Variants in OGFOD1 observed in about 807,000 individuals in gnomAD.
OGFOD1 encodes the protein 2-oxoglutarate and iron dependent oxygenase domain containing 1, also known as prolyl 3-hydroxylase OGFOD1.
OGFOD1 carries 54 observed loss-of-function variants against 67.7 expected under a neutral mutation model. That is an observed-to-expected ratio of 0.80 (90% CI 0.64 to 1.00). The LOEUF (loss-of-function observed/expected upper bound fraction) is 1.00, where lower values mean the gene tolerates loss of function less well. Ranked by LOEUF, OGFOD1 falls within the 50% of genes least tolerant of loss-of-function variation. OGFOD1 has a pLI of 0.00. For missense variants in OGFOD1, 606 were observed against 646.7 expected (o/e 0.94, Z 0.68); for synonymous variants, 221 against 227.0 (o/e 0.97, Z 0.24).
intron 2 of OGFOD1, among the ~76,000 whole-genome samples, chr16:56,457,903 C>T (rs1471949593): frequency 2.6e-5 from 4 of 152,214 alleles, no homozygotes; most frequent in Admixed American, 6.5e-5. Flanking sequence ...TGGTCTCGAA[C>T]TCCTGACCTC....
Position 56,453,115 on chromosome 16 carries a change from C to A in OGFOD1, c.155-148C>A, listed in dbSNP as rs554956938. 1.5e-4 allele frequency: 110 copies of A among 729,982 alleles called. 1 individual carries two copies. The South Asian group carries it at 2.0e-3, about 13-fold the overall frequency. 45.2% of individuals were successfully genotyped at this position (729,982 alleles called of 1,614,324 possible). The stretch of plus-strand genomic sequence containing the variant: ...AATGGGTAAAGAAGAAAGGTCAGAG[C>A]TTATCATTTTTTCCCCAAATCTTAG... On this transcript the variant is annotated intron_variant, in intron 1 of 12. Coordinates refer to ENST00000566157, the MANE Select transcript of OGFOD1 (RefSeq NM_018233.4).
At chr16:56,466,529 CTG>C (rs775358246) in intron 5 of OGFOD1, among the ~76,000 whole-genome samples, 2 of 152,172 alleles carry the variant, frequency 1.3e-5, no homozygotes, top group Admixed American at 1.3e-4. Flanking sequence ...TGAATACTGA[CTG>C]TGGAAGGGTG....
At chr16:56,457,213 G>C (rs540996286) in intron 2 of OGFOD1, among the ~76,000 whole-genome samples, 21 of 152,226 alleles carry the variant, frequency 1.4e-4, no homozygotes, top group African/African-American at 5.1e-4. Flanking sequence ...TATACCCATA[G>C]AATGGAATAC....
In OGFOD1 at chr16:56,456,904, T is replaced by C. The variant is rs534665037; in HGVS notation, c.301-1644T>C. ...TAAATTTCTCAGAGTGTAAATGACA[T>C]ACCACTGTATATCCAGAGAAGCCCA... On this transcript the variant is annotated intron_variant, in intron 2 of 12. Coordinates refer to ENST00000566157, the MANE Select transcript of OGFOD1 (RefSeq NM_018233.4). Among the ~76,000 whole-genome samples, 8 of 152,314 alleles carry C rather than the reference T, an allele frequency of 5.3e-5. No homozygotes were observed. The East Asian group carries it at 1.4e-3, about 26-fold the overall frequency.
chr16:56,463,298 TCA>T (rs1491133453), intron 4 of OGFOD1, among the ~76,000 whole-genome samples: 2 of 150,274 alleles, frequency 1.3e-5, no homozygotes, highest in Non-Finnish European at 3.0e-5. Flanking sequence ...TATAGATGGC[TCA>T]CAACTTTTAG....
chr16:56,470,293 T>A (rs1179632619), intron 9 of OGFOD1, 194 bp from the exon 10 acceptor site: 2 of 664,090 alleles, frequency 3.0e-6, no homozygotes, highest in East Asian at 5.4e-5. Flanking sequence ...TAATGATGTT[T>A]TGTTCTCAGG....
Position 56,474,824 on chromosome 16 carries a change from T to G in OGFOD1, c.1286-4T>G. 1 of 1,592,986 alleles carries G rather than the reference T, an allele frequency of 6.3e-7. No homozygotes were observed. Among genetic ancestry groups the G allele is most frequent in the Non-Finnish European group, 8.5e-7 (1 of 1,173,210 alleles). ...AAGTTTCTCATCTTTTTTTTTTTCCTTAGAATCAAGTGTTCCCATGTGCCA... is the reference window on the plus strand; with the variant it reads ...AAGTTTCTCATCTTTTTTTTTTTCCGTAGAATCAAGTGTTCCCATGTGCCA... On this transcript the variant is annotated splice_region_variant and splice_polypyrimidine_tract_variant and intron_variant, in intron 10 of 12. Coordinates refer to ENST00000566157, the MANE Select transcript of OGFOD1 (RefSeq NM_018233.4).
Position 56,453,346 on chromosome 16 carries a change from C to T in OGFOD1, c.238C>T (p.Gln80Ter). The stretch of plus-strand genomic sequence containing the variant: ...AAGCCAAGACTTCTTAGAAGGGCTT[C>T]AGAAGGAACTGATGAACTTGGACTT... ...IQSQDFLEGL[Q>*]KELMNLDFHE... is the part of the protein sequence containing the mutation. Residue 80 changes from glutamine (Q) to a stop codon, truncating the protein, a stop_gained, in exon 2 of 13, where the codon CAG becomes TAG. Transcript: ENST00000566157. LOFTEE classifies it high-confidence loss of function. The T allele has an allele frequency of 6.2e-7, 1 of 1,614,128 alleles. No individual in the cohort carries two copies.
At chr16:56,462,720 A>T (rs374711398) in intron 4 of OGFOD1, 86 bp downstream of exon 4, 6 of 789,306 alleles carry the variant, frequency 7.6e-6, no homozygotes, top group East Asian at 5.2e-5. Context: ...GTACCAAAAC[A>T]CTCAACTGAA....
chr16:56,464,847 A>T (rs1182890293), intron 4 of OGFOD1, among the ~76,000 whole-genome samples: 1 of 152,166 alleles, frequency 6.6e-6, no homozygotes, highest in Non-Finnish European at 1.5e-5. Context: ...TAGTGAAGAA[A>T]GATACTTAAC....
At position 56,469,144 on chromosome 16, in the gene OGFOD1, G is replaced by A. The variant is rs184212056; in HGVS notation, c.901-859G>A. Among the ~76,000 whole-genome samples the A allele has an allele frequency of 4.6e-5, 7 of 152,300 alleles. No homozygotes were observed. In the East Asian group the frequency reaches 1.3e-3, roughly 29 times the overall value. ...TTTTTCATGCATTTATAACTGATAG[G>A]ACTGCTTGGGAAACTGCATTAAACA... On this transcript the variant is annotated intron_variant, in intron 8 of 12. Transcript: ENST00000566157.
At chr16:56,452,006 G>A (rs1962354676) in intron 1 of OGFOD1, 2 of 491,230 alleles carry the variant, frequency 4.1e-6, no homozygotes, top group African/African-American at 3.9e-5. Flanking sequence ...GAAGCAGAGG[G>A]TATGCAAGAG....
At chr16:56,474,744 C>A in intron 10 of OGFOD1, 84 bp from the exon 11 acceptor site, 3 of 1,054,482 alleles carry the variant, frequency 2.8e-6, no homozygotes, top group Non-Finnish European at 4.2e-6. Flanking sequence ...GTTGCTGTAT[C>A]ATTCCTAATT....
rs1166297192 is a variant in OGFOD1 at position 56,467,286 on chromosome 16, C to G, written c.779C>G (p.Pro260Arg). Reference protein sequence around the residue: ...EPPIPRSPHIPQDHEILYDWI... With the variant: ...EPPIPRSPHIRQDHEILYDWI... The stretch of plus-strand genomic sequence containing the variant: ...CCCATACCTCGGAGCCCTCACATCC[C>G]ACAAGATGTAAGAAGAATTGCTGAT... The change falls in exon 7 of 13, where the codon CCA (proline) becomes CGA (arginine). Residue 260 changes from proline (P) to arginine (R), a missense_variant. Pro to Arg is a moderately radical substitution (Grantham distance 103, BLOSUM62 -2). Transcript: ENST00000566157. 6.2e-7 allele frequency: 1 copy of G among 1,614,124 alleles called. No homozygotes were observed. The highest frequency in any genetic ancestry group is 8.5e-7 in the Non-Finnish European group (1 of 1,180,018).
In OGFOD1 at chr16:56,477,565, C is replaced by T. The variant is rs1173716123; in HGVS notation, c.*1360C>T. On this transcript the variant is annotated 3_prime_UTR_variant, in exon 13 of 13. Transcript: ENST00000566157. ...ACTAATTGCTTTTTATTTTAAGAGA[C>T]GGAATGCTAAAACCACATCAGAATG... 7 of 152,108 alleles carry T rather than the reference C, an allele frequency of 4.6e-5. No individual in the cohort carries two copies. In the East Asian group the frequency reaches 5.8e-4, roughly 13 times the overall value. The allele number at this position is 152,108 out of a possible 1,614,324, so 9.4% of individuals were successfully genotyped here. A position where few individuals can be genotyped will look rare whatever the true frequency, so the allele number is the denominator to read the frequency against.
chr16:56,472,801 T>G (rs1414412709), intron 10 of OGFOD1, among the ~76,000 whole-genome samples: 1 of 152,184 alleles, frequency 6.6e-6, no homozygotes, highest in Non-Finnish European at 1.5e-5. Context: ...TTGTTCTGTA[T>G]TTTTTCCACT....
At chr16:56,457,499 T>C (rs1308201603) in intron 2 of OGFOD1, among the ~76,000 whole-genome samples, 1 of 152,228 alleles carries the variant, frequency 6.6e-6, no homozygotes, top group Admixed American at 6.5e-5. Context: ...GTGAATATAC[T>C]AAAATCCAAT....
At chr16:56,454,970 T>G in intron 2 of OGFOD1, 1 of 194,704 alleles carries the variant, frequency 5.1e-6, no homozygotes. Context: ...GCTGTTGTGA[T>G]TATCGCACCC....
rs556379656 is a variant in OGFOD1 at position 56,461,574 on chromosome 16, C to T, written c.348-960C>T. On this transcript the variant is annotated intron_variant, in intron 3 of 12. Transcript: ENST00000566157. ...CAGTTTATAACTGTTTGGTTAGAAG[C>T]ATATGGGTCACAACTTGAACTTGTA... Among the ~76,000 whole-genome samples the T allele has an allele frequency of 1.6e-4, 25 of 152,316 alleles. No individual in the cohort carries two copies. In the South Asian group the frequency reaches 5.2e-3, roughly 32 times the overall value.
Sources: allele counts gnomAD v4.1 joint callset (sites outside exome capture counted in the v4.1 genomes callset), GRCh38; gene constraint gnomAD v4.1.1; transcripts MANE v1.5; gene names NCBI Gene and HGNC (gene_info 2026-07-23, HGNC 2026-07-21).